KCTD8: variants seen among roughly 807,000 people sequenced by gnomAD.
KCTD8 encodes the protein BTB/POZ domain-containing protein KCTD8.
In KCTD8, 27 loss-of-function variants were observed where a neutral mutation model predicts 31.5. The observed-to-expected ratio is 0.86, with a 90% confidence interval of 0.63 to 1.18. KCTD8 has a LOEUF of 1.18. KCTD8 is among the 50% of genes most tolerant of loss of function. The pLI is 0.00. For missense variants in KCTD8, 658 were observed against 647.7 expected (o/e 1.02, Z -0.17); for synonymous variants, 290 against 280.0 (o/e 1.04, Z -0.36).
At chr4:44,447,460 C>A (rs1316949075) in intron 1 of KCTD8, 103 bp downstream of exon 1, 3 of 1,424,774 alleles carry the variant, frequency 2.1e-6, no homozygotes, top group East Asian at 5.1e-5. Context: ...AGTTAACCAG[C>A]GCCTGCCCCG....
intron 1 of KCTD8, among the ~76,000 whole-genome samples, chr4:44,318,381 C>A (rs1235278828): frequency 6.6e-6 from 1 of 152,126 alleles, no homozygotes; most frequent in African/African-American, 2.4e-5. Flanking sequence ...GAAGTGCATG[C>A]TACAATGCCT....
At chr4:44,419,895 C>T (rs1461108790) in intron 1 of KCTD8, among the ~76,000 whole-genome samples, 1 of 151,526 alleles carries the variant, frequency 6.6e-6, no homozygotes, top group Admixed American at 6.6e-5. Flanking sequence ...AGAAAGGAAC[C>T]TTTCAAGCTA....
intron 1 of KCTD8, among the ~76,000 whole-genome samples, chr4:44,373,986 T>C (rs554884787): frequency 6.6e-6 from 1 of 152,280 alleles, no homozygotes; most frequent in East Asian, 1.9e-4. Context: ...CCAAGTACTA[T>C]TCTTTAGAAC....
chr4:44,408,460 T>G (rs1428378391), intron 1 of KCTD8, among the ~76,000 whole-genome samples: 1 of 152,152 alleles, frequency 6.6e-6, no homozygotes, highest in Non-Finnish European at 1.5e-5. Flanking sequence ...GAATGCTAGT[T>G]AACAAAACCA....
At chr4:44,225,423 T>G (rs931147992) in intron 1 of KCTD8, among the ~76,000 whole-genome samples, 4 of 152,214 alleles carry the variant, frequency 2.6e-5, no homozygotes, top group Non-Finnish European at 5.9e-5. Flanking sequence ...AATTACATAT[T>G]GTTTATGACT....
chr4:44,221,575 C>A (rs1714808847), intron 1 of KCTD8, among the ~76,000 whole-genome samples: 1 of 152,088 alleles, frequency 6.6e-6, no homozygotes. Context: ...AGTAGGGAAG[C>A]CAAAACTGCA....
chr4:44,179,172 T>G (rs568879110), intron 1 of KCTD8, among the ~76,000 whole-genome samples: 5 of 152,286 alleles, frequency 3.3e-5, no homozygotes, highest in African/African-American at 1.2e-4. Context: ...TTTCACTTTT[T>G]ACTTTCAAAT....
chr4:44,381,384 G>A (rs963504163), intron 1 of KCTD8, among the ~76,000 whole-genome samples: 7 of 151,884 alleles, frequency 4.6e-5, no homozygotes, highest in African/African-American at 1.7e-4. Context: ...AGGAAAGTGA[G>A]AAAACAATTC....
intron 1 of KCTD8, among the ~76,000 whole-genome samples, chr4:44,211,591 CCA>C (rs1217398243): frequency 2.6e-5 from 4 of 152,084 alleles, no homozygotes; most frequent in African/African-American, 9.7e-5. Flanking sequence ...GAGACAGCTT[CCA>C]GTTTTTTGTT....
chr4:44,189,873 C>T (rs1433572646), intron 1 of KCTD8, among the ~76,000 whole-genome samples: 1 of 152,180 alleles, frequency 6.6e-6, no homozygotes, highest in Admixed American at 6.5e-5. Context: ...AGAAGCACCA[C>T]AGTCTTCTTA....
chr4:44,208,310 CCCTGT>C (rs1192956515), intron 1 of KCTD8, among the ~76,000 whole-genome samples: 4 of 152,040 alleles, frequency 2.6e-5, no homozygotes, highest in Admixed American at 2.0e-4. Flanking sequence ...TAACATCTGC[CCCTGT>C]GTATCCTGGC....
intron 1 of KCTD8, among the ~76,000 whole-genome samples, chr4:44,328,194 G>T (rs1718498609): frequency 6.6e-6 from 1 of 151,896 alleles, no homozygotes; most frequent in Non-Finnish European, 1.5e-5. Context: ...ATAGAACTGT[G>T]TACTTAAATA....
intron 1 of KCTD8, among the ~76,000 whole-genome samples, chr4:44,323,329 T>C (rs980931180): frequency 4.0e-5 from 6 of 151,578 alleles, no homozygotes; most frequent in Admixed American, 3.9e-4. Context: ...CCCTCCCTCT[T>C]CTAAAAATAC....
At chr4:44,383,831 T>A (rs182228271) in intron 1 of KCTD8, among the ~76,000 whole-genome samples, 1 of 152,002 alleles carries the variant, frequency 6.6e-6, no homozygotes. Context: ...CAAAGTTATA[T>A]CAAACTAAAA....
intron 1 of KCTD8, among the ~76,000 whole-genome samples, chr4:44,254,684 A>C (rs768713661): frequency 4.0e-5 from 6 of 151,840 alleles, no homozygotes; most frequent in Non-Finnish European, 7.4e-5. Flanking sequence ...AAGCCCTCCC[A>C]TTCACAATGC....
chr4:44,410,017 A>G (rs1720915226), intron 1 of KCTD8, among the ~76,000 whole-genome samples: 1 of 152,206 alleles, frequency 6.6e-6, no homozygotes, highest in African/African-American at 2.4e-5. Flanking sequence ...TAAAATGACT[A>G]GTATCATTAA....
intron 1 of KCTD8, among the ~76,000 whole-genome samples, chr4:44,243,920 T>C (rs1234326904): frequency 2.6e-5 from 4 of 152,220 alleles, no homozygotes; most frequent in Non-Finnish European, 5.9e-5. Flanking sequence ...AGCTTTTTAC[T>C]ACATGCTTCC....
intron 1 of KCTD8, among the ~76,000 whole-genome samples, chr4:44,325,408 T>G (rs1718417698): frequency 1.3e-5 from 2 of 151,960 alleles, no homozygotes; most frequent in Admixed American, 1.3e-4. Flanking sequence ...GGTCAAAGTA[T>G]GAAGACAGAG....
intron 1 of KCTD8, among the ~76,000 whole-genome samples, chr4:44,342,633 A>C (rs962538165): frequency 2.0e-5 from 3 of 152,220 alleles, no homozygotes; most frequent in Admixed American, 2.0e-4. Flanking sequence ...CTTTTAAGCC[A>C]GGTATTTACT....
Sources: allele counts gnomAD v4.1 joint callset (sites outside exome capture counted in the v4.1 genomes callset), GRCh38; gene constraint gnomAD v4.1.1; transcripts MANE v1.5; gene names NCBI Gene and HGNC (gene_info 2026-07-23, HGNC 2026-07-21).